Variants in TMEM232 observed in about 807,000 individuals in gnomAD.
TMEM232 encodes transmembrane protein 232.
TMEM232 carries 80 observed loss-of-function variants against 78.8 expected under a neutral mutation model. The ratio of observed to expected loss-of-function variants is 1.01; its 90% CI spans 0.85 to 1.22. TMEM232 has a LOEUF of 1.22. Among genes scored for constraint, TMEM232 ranks in the 50% most tolerant of loss-of-function variants. The pLI, the probability that TMEM232 is intolerant of heterozygous loss-of-function variation, is 0.00. For synonymous variants in TMEM232, 297 were observed against 254.3 expected (o/e 1.17, Z -1.60); for missense variants, 881 against 742.2 (o/e 1.19, Z -2.17).
At chr5:110,708,440 A>C (rs1415280827) in intron 1 of TMEM232, among the ~76,000 whole-genome samples, 1 of 152,216 alleles carries the variant, frequency 6.6e-6, no homozygotes, top group East Asian at 1.9e-4. Context: ...AGAAAAATTC[A>C]GAATATTATA....
intron 12 of TMEM232, among the ~76,000 whole-genome samples, chr5:110,478,377 C>T (rs1224675224): frequency 6.6e-6 from 1 of 151,816 alleles, no homozygotes; most frequent in African/African-American, 2.4e-5. Context: ...AGCAGTTTTC[C>T]ACACTCTAAA....
rs147543601 is a variant in TMEM232, at chr5:110,449,448, T to C, written c.1704-24532A>G. 6.3e-3 allele frequency among the ~76,000 whole-genome samples: 964 copies of C among 152,238 alleles called. 17 individuals carry two copies. Among genetic ancestry groups the C allele is most frequent in the African/African-American group, 0.021 (893 of 41,560 alleles). ...CATAATTCTGAAATAAAATGGTTGC[T>C]TTTTAGCTCTTAAAGTTTCTGTATC... On this transcript the variant is annotated intron_variant, in intron 12 of 13. Coordinates refer to ENST00000455884, the MANE Select transcript of TMEM232 (RefSeq NM_001039763.4).
intron 1 of TMEM232, among the ~76,000 whole-genome samples, chr5:110,692,082 G>A (rs962590241): frequency 7.2e-5 from 11 of 151,986 alleles, no homozygotes; most frequent in South Asian, 2.1e-4. Context: ...CACCACGCTC[G>A]GCTAATTTTT....
At chr5:110,506,979 C>T (rs1462946564) in intron 12 of TMEM232, among the ~76,000 whole-genome samples, 2 of 152,042 alleles carry the variant, frequency 1.3e-5, no homozygotes, top group Non-Finnish European at 2.9e-5. Context: ...ACATATTTGA[C>T]CAAGTGGTAC....
At chr5:110,457,233 T>C (rs1168891670) in intron 12 of TMEM232, among the ~76,000 whole-genome samples, 1 of 152,018 alleles carries the variant, frequency 6.6e-6, no homozygotes, top group East Asian at 1.9e-4. Flanking sequence ...GATACCTGAA[T>C]AAAGATGTAT....
At chr5:110,719,217 G>T (rs528506681) in intron 1 of TMEM232, among the ~76,000 whole-genome samples, 1 of 151,344 alleles carries the variant, frequency 6.6e-6, no homozygotes, top group Admixed American at 6.6e-5. Context: ...GTGTATATAT[G>T]TATATATGTG....
Position 110,641,873 on chromosome 5 carries a change from G to C in TMEM232, c.237+387C>G, listed in dbSNP as rs1401758969. 2.0e-5 allele frequency among the ~76,000 whole-genome samples: 3 copies of C among 152,208 alleles called. No homozygotes were observed. The East Asian group carries it at 5.8e-4, about 29-fold the overall frequency. On this transcript the variant is annotated intron_variant, in intron 3 of 13. Coordinates refer to ENST00000455884, the MANE Select transcript of TMEM232 (RefSeq NM_001039763.4). Reference sequence around the variant, plus strand: ...AACGAATGTATTTTTCACAAGTTAGGTGAAGAATAGTTTGTTACAGAGAAA... The same window carrying C: ...AACGAATGTATTTTTCACAAGTTAGCTGAAGAATAGTTTGTTACAGAGAAA...
At chr5:110,510,213 C>T (rs1228238738) in intron 12 of TMEM232, among the ~76,000 whole-genome samples, 2 of 152,140 alleles carry the variant, frequency 1.3e-5, no homozygotes, top group African/African-American at 4.8e-5. Context: ...AACTCACTGC[C>T]TACTTAATAT....
intron 1 of TMEM232, chr5:110,735,156 G>A (rs1580833677): frequency 6.6e-6 from 1 of 152,204 alleles, no homozygotes; most frequent in African/African-American, 2.4e-5. Flanking sequence ...TATCCTGTGA[G>A]CTGAATTTAT....
intron 10 of TMEM232, among the ~76,000 whole-genome samples, chr5:110,570,397 A>C (rs1473279588): frequency 6.6e-5 from 10 of 152,026 alleles, no homozygotes; most frequent in Non-Finnish European, 2.9e-5. Context: ...AGAAAAAGAT[A>C]ATCTGTATCT....
Position 110,652,387 on chromosome 5 carries a change from T to C in TMEM232, c.126-10016A>G, listed in dbSNP as rs189360010. 2.0e-3 allele frequency among the ~76,000 whole-genome samples: 297 copies of C among 152,230 alleles called. 1 individual carries two copies. The highest frequency in any genetic ancestry group is 4.4e-3 in the African/African-American group (181 of 41,538). On this transcript the variant is annotated intron_variant, in intron 2 of 13. Coordinates refer to ENST00000455884, the MANE Select transcript of TMEM232 (RefSeq NM_001039763.4). ...AAATTAGTTTGTCTCAGCTTTTTCA[T>C]AGGCTCTAGGGAAAACATAGTTATG... is the stretch of plus-strand genomic sequence containing the variant.
chr5:110,687,656 A>G (rs1467156439), intron 1 of TMEM232, among the ~76,000 whole-genome samples: 2 of 152,018 alleles, frequency 1.3e-5, no homozygotes, highest in East Asian at 3.9e-4. Flanking sequence ...TTTGGTTTCT[A>G]TTACAAAGTC....
chr5:110,652,292 G>GTGCACACACACACA (rs1554069150), intron 2 of TMEM232, among the ~76,000 whole-genome samples: 5 of 5,010 alleles, frequency 1.0e-3, no homozygotes, highest in Admixed American at 4.0e-3. Flanking sequence ...GTGCACGCGC[G>GTGCACACACACACA]CGCACACACA....
At chr5:110,520,709 C>T (rs564232753) in intron 12 of TMEM232, among the ~76,000 whole-genome samples, 2 of 152,156 alleles carry the variant, frequency 1.3e-5, no homozygotes, top group South Asian at 2.1e-4. Context: ...CACCTGAGAT[C>T]GGTGGTCGAG....
At chr5:110,625,584 C>T (rs1784329134) in intron 6 of TMEM232, 151 bp from the exon 7 acceptor site, 3 of 585,728 alleles carry the variant, frequency 5.1e-6, no homozygotes, top group Admixed American at 3.9e-5. Context: ...GTTATGTATG[C>T]CCCCTGGTGG....
At chr5:110,533,377 A>C (rs1171081487) in intron 11 of TMEM232, among the ~76,000 whole-genome samples, 2 of 152,130 alleles carry the variant, frequency 1.3e-5, no homozygotes, top group Non-Finnish European at 2.9e-5. Flanking sequence ...CTTCCTAGAC[A>C]TAGTTACTGC....
chr5:110,690,799 A>C (rs113624500), intron 1 of TMEM232, among the ~76,000 whole-genome samples: 1,525 of 152,294 alleles, frequency 0.01, 14 homozygotes, highest in African/African-American at 0.034. Context: ...CAGCCATTAA[A>C]AAGGATGAAT....
intron 12 of TMEM232, among the ~76,000 whole-genome samples, chr5:110,473,379 G>T (rs984500561): frequency 6.6e-6 from 1 of 151,754 alleles, no homozygotes; most frequent in African/African-American, 2.4e-5. Context: ...ACCACAGTGA[G>T]ATATCACCGC....
At chr5:110,702,131 G>T (rs1289912028) in intron 1 of TMEM232, among the ~76,000 whole-genome samples, 1 of 151,810 alleles carries the variant, frequency 6.6e-6, no homozygotes, top group Non-Finnish European at 1.5e-5. Context: ...TTAAGCCCAC[G>T]TACTGAACAT....
Sources: allele counts gnomAD v4.1 joint callset (sites outside exome capture counted in the v4.1 genomes callset), GRCh38; gene constraint gnomAD v4.1.1; transcripts MANE v1.5; gene names NCBI Gene and HGNC (gene_info 2026-07-23, HGNC 2026-07-21).